Variants in ENTPD7 observed in about 807,000 individuals in gnomAD.
ENTPD7 encodes the protein NTPDase 7.
ENTPD7 carries 53 observed loss-of-function variants against 77.9 expected under a neutral mutation model. The observed-to-expected ratio is 0.68, with a 90% CI of 0.55 to 0.85. The LOEUF (loss-of-function observed/expected upper bound fraction) is 0.85, where lower values mean the gene tolerates loss of function less well. Among genes scored for constraint, ENTPD7 ranks in the 40% least tolerant of loss-of-function variants. ENTPD7 has a pLI of 0.00. For missense variants in ENTPD7, 636 were observed against 743.7 expected (o/e 0.86, Z 1.68); for synonymous variants, 248 against 274.9 (o/e 0.90, Z 0.97).
chr10:99,676,194 A>AT (rs1294319803), intron 3 of ENTPD7, among the ~76,000 whole-genome samples: 1 of 152,054 alleles, frequency 6.6e-6, no homozygotes, highest in Non-Finnish European at 1.5e-5. Context: ...CCACTCTTCT[A>AT]TTTTTTTGTT....
At chr10:99,663,457 TTTTA>T (rs1354095888) in intron 3 of ENTPD7, among the ~76,000 whole-genome samples, 1 of 149,188 alleles carries the variant, frequency 6.7e-6, no homozygotes, top group Non-Finnish European at 1.5e-5. Context: ...TTCTACATGA[TTTTA>T]TTTGTTTTTT....
At chr10:99,676,950 T>C (rs1316176066) in intron 3 of ENTPD7, among the ~76,000 whole-genome samples, 1 of 152,230 alleles carries the variant, frequency 6.6e-6, no homozygotes, top group Non-Finnish European at 1.5e-5. Context: ...GCATTTTGCA[T>C]TGTAATATAG....
intron 8 of ENTPD7, among the ~76,000 whole-genome samples, chr10:99,693,808 C>T (rs1312324887): frequency 6.6e-6 from 1 of 152,004 alleles, no homozygotes; most frequent in African/African-American, 2.4e-5. Flanking sequence ...AACCCTGCTA[C>T]TCAGGAGGCT....
chr10:99,699,005 GAGGA>G, intron 10 of ENTPD7, 147 bp downstream of exon 10: 1 of 713,448 alleles, frequency 1.4e-6, no homozygotes, highest in Non-Finnish European at 2.3e-6. Context: ...TTTTACAGAT[GAGGA>G]AGTGGACAGA....
chr10:99,668,308 C>G (rs2035576844), intron 3 of ENTPD7, among the ~76,000 whole-genome samples: 1 of 152,042 alleles, frequency 6.6e-6, no homozygotes, highest in African/African-American at 2.4e-5. Context: ...TAGAAAAATG[C>G]AAATAATTGG....
At chr10:99,666,230 CAG>C (rs1359126903) in intron 3 of ENTPD7, among the ~76,000 whole-genome samples, 3 of 150,000 alleles carry the variant, frequency 2.0e-5, no homozygotes, top group African/African-American at 7.4e-5. Flanking sequence ...TTTTTTGAAA[CAG>C]AGTCTCACTC....
Position 99,672,844 on chromosome 10 carries a change from C to A in ENTPD7, c.192-6417C>A, listed in dbSNP as rs1590040298. Among the ~76,000 whole-genome samples, 3 of 152,296 alleles carry A rather than the reference C, an allele frequency of 2.0e-5. No individual in the cohort carries two copies. In the East Asian group the frequency reaches 5.8e-4, roughly 29 times the overall value. On this transcript the variant is annotated intron_variant, in intron 3 of 12. Coordinates refer to ENST00000370489, the MANE Select transcript of ENTPD7 (RefSeq NM_020354.5). ...AGCAAAGAATTAGTAGCCCCATACT[C>A]ATGGGGGCTACTTCAATTGACTTTT... is the stretch of plus-strand genomic sequence containing the variant.
At chr10:99,662,882 G>T (rs2035503770) in intron 3 of ENTPD7, among the ~76,000 whole-genome samples, 1 of 152,344 alleles carries the variant, frequency 6.6e-6, no homozygotes, top group African/African-American at 2.4e-5. Flanking sequence ...AATGCTGCAT[G>T]TGCCATATCC....
At chr10:99,660,154 C>A in intron 2 of ENTPD7, 190 bp downstream of exon 2, 1 of 563,338 alleles carries the variant, frequency 1.8e-6, no homozygotes, top group Non-Finnish European at 2.3e-6. Flanking sequence ...AGTTTCTAGC[C>A]CATAGACCAG....
intron 8 of ENTPD7, 120 bp downstream of exon 8, chr10:99,691,638 G>A: frequency 8.8e-7 from 1 of 1,131,406 alleles, no homozygotes; most frequent in Non-Finnish European, 1.2e-6. Context: ...ATACTTGCTA[G>A]CTTGCGTTAT....
chr10:99,710,685 A>G lies in ENTPD7; in HGVS notation c.*6002A>G. The G allele has an allele frequency of 8.1e-6, 8 of 985,404 alleles. No individual in the cohort carries two copies. Among genetic ancestry groups the G allele is most frequent in the Non-Finnish European group, 9.6e-6 (8 of 829,914 alleles). 61.0% of individuals were successfully genotyped at this position (985,404 alleles called of 1,614,324 possible). The stretch of plus-strand genomic sequence containing the variant: ...ATATGTGTTACATATGCTGATATAT[A>G]ACCCACCATTCATCCCAGGACCACA... On this transcript the variant is annotated 3_prime_UTR_variant, in exon 13 of 13. Coordinates refer to ENST00000370489, the MANE Select transcript of ENTPD7 (RefSeq NM_020354.5).
At chr10:99,689,609 C>T (rs1160584390) in intron 7 of ENTPD7, among the ~76,000 whole-genome samples, 3 of 152,162 alleles carry the variant, frequency 2.0e-5, no homozygotes, top group Non-Finnish European at 4.4e-5. Flanking sequence ...GTGTGTTTTC[C>T]ACTACTCACA....
chr10:99,675,597 A>T (rs1590041479), intron 3 of ENTPD7, among the ~76,000 whole-genome samples: 4 of 105,610 alleles, frequency 3.8e-5, no homozygotes, highest in Non-Finnish European at 5.2e-5. Context: ...ATTGCAACTA[A>T]TTTTTTTTTT....
intron 10 of ENTPD7, chr10:99,700,757 C>T (rs1451893939): frequency 3.4e-6 from 2 of 591,000 alleles, no homozygotes; most frequent in Non-Finnish European, 6.0e-6. Flanking sequence ...CTAAGAGGCT[C>T]AGAAGCCACA....
At position 99,710,639 on chromosome 10, in the gene ENTPD7, C is replaced by T; in HGVS notation, c.*5956C>T. ...GCATGTTAGAGAGGTGATGCATTCT[C>T]CCTTATGCAGGGACATGGGTATATG... On this transcript the variant is annotated 3_prime_UTR_variant, in exon 13 of 13. Coordinates refer to ENST00000370489, the MANE Select transcript of ENTPD7 (RefSeq NM_020354.5). 1.0e-6 allele frequency: 1 copy of T among 985,322 alleles called. No individual in the cohort carries two copies. Among genetic ancestry groups the T allele is most frequent in the Non-Finnish European group, 1.2e-6 (1 of 829,876 alleles). 61.0% of individuals were successfully genotyped at this position (985,322 alleles called of 1,614,324 possible).
At chr10:99,698,114 T>C (rs1419807159) in intron 9 of ENTPD7, among the ~76,000 whole-genome samples, 1 of 152,130 alleles carries the variant, frequency 6.6e-6, no homozygotes, top group African/African-American at 2.4e-5. Context: ...GCCACTGCCG[T>C]GGTCTGCTCT....
At position 99,706,796 on chromosome 10, in the gene ENTPD7, ACTCAGGTAACGTTTTCTTTTGCT is replaced by A. The variant is rs2036262742; in HGVS notation, c.*2118_*2140del. On this transcript the variant is annotated 3_prime_UTR_variant, in exon 13 of 13. Transcript: ENST00000370489. ...ATGTCAAAATATGTTTTAGCTGCCT[ACTCAGGTAACGTTTTCTTTTGCT>A]CTCATCTTGGTTTCCATATACTATT... Among the ~76,000 whole-genome samples the A allele has an allele frequency of 6.6e-6, 1 of 152,192 alleles. No homozygotes were observed. The highest frequency in any genetic ancestry group is 6.5e-5 in the Admixed American group (1 of 15,284).
chr10:99,665,593 G>C (rs2035539157), intron 3 of ENTPD7, among the ~76,000 whole-genome samples: 1 of 152,158 alleles, frequency 6.6e-6, no homozygotes, highest in African/African-American at 2.4e-5. Context: ...TCAGACACCA[G>C]ATACAGAGAC....
intron 3 of ENTPD7, among the ~76,000 whole-genome samples, chr10:99,670,895 G>A (rs1423661841): frequency 1.4e-4 from 21 of 152,126 alleles, no homozygotes; most frequent in Non-Finnish European, 8.8e-5. Flanking sequence ...GTCCATGCCT[G>A]TAGCCCCAGC....
Sources: gnomAD v4.1 joint callset for allele counts (sites outside exome capture counted in the v4.1 genomes callset) on GRCh38, gnomAD v4.1.1 for gene constraint, MANE v1.5 for transcripts, NCBI Gene and HGNC (gene_info 2026-07-23, HGNC 2026-07-21) for gene names.